Variants in SLC15A5 observed in about 807,000 individuals in gnomAD.
SLC15A5 encodes solute carrier family 15 member 5, also known as Peptide/histidine transporter ENSP00000340402.
Under a neutral mutation model 56.1 loss-of-function variants are expected in SLC15A5, and 58 were observed. The observed-to-expected ratio is 1.03, with a 90% confidence interval of 0.84 to 1.29. The LOEUF (loss-of-function observed/expected upper bound fraction) is 1.29, where lower values mean the gene tolerates loss of function less well. Among genes scored for constraint, SLC15A5 ranks in the 50% most tolerant of loss-of-function variants. SLC15A5 has a pLI of 0.00. For synonymous variants in SLC15A5, 264 were observed against 250.5 expected, an observed-to-expected ratio of 1.05 and a Z score of -0.51; for missense variants, 681 against 672.1, an observed-to-expected ratio of 1.01 and a Z score of -0.15.
At chr12:16,248,201 G>C (rs1565669824) in intron 3 of SLC15A5, among the ~76,000 whole-genome samples, 1 of 152,116 alleles carries the variant, frequency 6.6e-6, no homozygotes, top group Non-Finnish European at 1.5e-5. Context: ...GGAATTATTA[G>C]ATGATAACCA....
chr12:16,270,110 A>T lies in SLC15A5; in HGVS notation c.584+2451T>A, dbSNP rs190365594. ...TAGTGAGGTGCATTAGTTGAGGAAG[A>T]TCCAGTACCAGATGGTAATGTTGGC... On this transcript the variant is annotated intron_variant, in intron 2 of 8. Transcript: ENST00000344941. 6.6e-5 allele frequency among the ~76,000 whole-genome samples: 10 copies of T among 152,316 alleles called. No homozygotes were observed. In the East Asian group the frequency reaches 1.9e-3, roughly 29 times the overall value.
At chr12:16,190,525 TC>T (rs1863830136) in intron 8 of SLC15A5, among the ~76,000 whole-genome samples, 1 of 152,174 alleles carries the variant, frequency 6.6e-6, no homozygotes, top group Non-Finnish European at 1.5e-5. Context: ...AATAGGAACT[TC>T]AAATTGCTTT....
intron 8 of SLC15A5, among the ~76,000 whole-genome samples, chr12:16,193,787 GA>G (rs1863863057): frequency 7.2e-5 from 1 of 13,802 alleles, no homozygotes; most frequent in Middle Eastern, 0.024. Flanking sequence ...AGGGGAGAGA[GA>G]GAGAGAGAGA....
At chr12:16,258,308 GT>G (rs1864598095) in intron 2 of SLC15A5, among the ~76,000 whole-genome samples, 1 of 152,122 alleles carries the variant, frequency 6.6e-6, no homozygotes, top group African/African-American at 2.4e-5. Flanking sequence ...AGTTTTCAAA[GT>G]ATAGGAAAAC....
intron 7 of SLC15A5, among the ~76,000 whole-genome samples, chr12:16,210,738 G>GA (rs1214922219): frequency 1.3e-5 from 2 of 152,136 alleles, no homozygotes; most frequent in East Asian, 3.9e-4. Flanking sequence ...AGGTTCATCT[G>GA]ACTCAAATGT....
chr12:16,238,629 C>CAAAAAA (rs36053667), intron 5 of SLC15A5, among the ~76,000 whole-genome samples: 2 of 116,012 alleles, frequency 1.7e-5, no homozygotes, highest in South Asian at 3.2e-4. Context: ...GACTCCGTCT[C>CAAAAAA]AAAAAAAAAA....
intron 7 of SLC15A5, among the ~76,000 whole-genome samples, chr12:16,203,121 T>A (rs1228228763): frequency 6.6e-6 from 1 of 152,146 alleles, no homozygotes; most frequent in East Asian, 1.9e-4. Context: ...ACAGTGGATT[T>A]TAAATGTTCT....
Position 16,271,506 on chromosome 12 carries a change from A to T in SLC15A5, c.584+1055T>A, listed in dbSNP as rs1416797082. Among the ~76,000 whole-genome samples, 1 of 152,174 alleles carries T rather than the reference A, an allele frequency of 6.6e-6. No individual in the cohort carries two copies. Among genetic ancestry groups the T allele is most frequent in the African/African-American group, 2.4e-5 (1 of 41,444 alleles). On this transcript the variant is annotated intron_variant, in intron 2 of 8. Transcript: ENST00000344941. This position sits in a 1 kb window ranked among gnomAD's most constrained non-coding sequence, Gnocchi z 8.0. ...TGGTAAGACTGCATTGTTCTCTGAC[A>T]TTAGGACTTAATCCAAAATAGGGCT...
chr12:16,202,438 AAAGAT>A (rs1365016829), intron 7 of SLC15A5, among the ~76,000 whole-genome samples: 1 of 152,162 alleles, frequency 6.6e-6, no homozygotes, highest in East Asian at 1.9e-4. Flanking sequence ...GAAAAAGATG[AAAGAT>A]AAGTGTTGAT....
At position 16,205,590 on chromosome 12, in the gene SLC15A5, T is replaced by TAC. The variant is rs58581207; in HGVS notation, c.1484-11139_1484-11138dup. On this transcript the variant is annotated intron_variant, in intron 7 of 8. Transcript: ENST00000344941. The stretch of plus-strand genomic sequence containing the variant: ...AAGAAGGGAAAGGTGCATATATATA[T>TAC]ACATATACACACACACACACATATA... Among the ~76,000 whole-genome samples, 117 of 57,156 alleles carry TAC rather than the reference T, an allele frequency of 2.0e-3. 2 individuals are homozygous for TAC. The highest frequency in any genetic ancestry group is 7.0e-3 in the African/African-American group (106 of 15,122). 37.5% of individuals were successfully genotyped at this position (57,156 alleles called of 152,430 possible).
chr12:16,220,592 G>A (rs756565808), intron 6 of SLC15A5, among the ~76,000 whole-genome samples: 24 of 152,124 alleles, frequency 1.6e-4, no homozygotes, highest in East Asian at 1.9e-4. Flanking sequence ...ACACAGCCAC[G>A]CTCATTTATT....
At chr12:16,241,015 G>A (rs899569134) in intron 4 of SLC15A5, among the ~76,000 whole-genome samples, 2 of 151,966 alleles carry the variant, frequency 1.3e-5, no homozygotes, top group African/African-American at 2.4e-5. Flanking sequence ...AGGTTTCACC[G>A]TGTTAGTCAG....
Position 16,255,484 on chromosome 12 carries a change from A to AT in SLC15A5, c.754+2216dup, listed in dbSNP as rs144648422. 2.4e-3 allele frequency among the ~76,000 whole-genome samples: 363 copies of AT among 152,258 alleles called. 8 individuals are homozygous for AT. In the East Asian group the frequency reaches 0.029, roughly 12 times the overall value. On this transcript the variant is annotated intron_variant, in intron 3 of 8. Coordinates refer to ENST00000344941, the MANE Select transcript of SLC15A5 (RefSeq NM_001170798.1). ...TGTGGGGAAAAAGGCATTCTTGTAC[A>AT]TTTTTGGTAGAAATACAAAATAGTG...
intron 6 of SLC15A5, among the ~76,000 whole-genome samples, chr12:16,221,132 T>C (rs772859696): frequency 6.6e-6 from 1 of 152,184 alleles, no homozygotes; most frequent in Non-Finnish European, 1.5e-5. Flanking sequence ...TATTGTACCA[T>C]ATAGAAATAG....
intron 3 of SLC15A5, among the ~76,000 whole-genome samples, chr12:16,245,500 A>G (rs1057394723): frequency 7.9e-5 from 12 of 152,128 alleles, no homozygotes; most frequent in African/African-American, 2.9e-4. Context: ...GTGATTTGCA[A>G]CCTCATTGTT....
At chr12:16,217,907 A>G (rs1401440540) in intron 6 of SLC15A5, among the ~76,000 whole-genome samples, 1 of 152,126 alleles carries the variant, frequency 6.6e-6, no homozygotes, top group Admixed American at 6.6e-5. Flanking sequence ...CCACGAAAAA[A>G]ATTTTTTTAA....
intron 3 of SLC15A5, among the ~76,000 whole-genome samples, chr12:16,255,093 C>T (rs1864556812): frequency 6.6e-6 from 1 of 151,960 alleles, no homozygotes; most frequent in South Asian, 2.1e-4. Context: ...TCACTATGTA[C>T]CTCGTAAATA....
At position 16,244,600 on chromosome 12, in the gene SLC15A5, A is replaced by T. The variant is rs1425569349; in HGVS notation, c.955T>A (p.Tyr319Asn). ...CTTACCTGCATAATGCACATTCTGT[A>T]TAGGAGCTGAAAAATGAAGAGAGGG... ...LLPLFIFQLL[Y>N]RMCIMQIPSG... Residue 319 changes from tyrosine (Y) to asparagine (N), a missense_variant, in exon 4 of 9, where the codon TAC becomes AAC. Tyr to Asn is a moderately radical substitution (Grantham distance 143). Transcript: ENST00000344941. 2.6e-6 allele frequency: 4 copies of T among 1,537,672 alleles called. No individual in the cohort carries two copies. The highest frequency in any genetic ancestry group is 3.5e-6 in the Non-Finnish European group (4 of 1,147,046).
Position 16,239,718 on chromosome 12 carries a change from G to GGTT in SLC15A5, c.1124_1125insAAC (p.Pro375_Ser376insThr). 1 of 1,537,368 alleles carries GGTT rather than the reference G, an allele frequency of 6.5e-7. No homozygotes were observed. Among genetic ancestry groups the GGTT allele is most frequent in the Non-Finnish European group, 8.7e-7 (1 of 1,146,918 alleles). On this transcript the variant is annotated inframe_insertion, in exon 5 of 9. Coordinates refer to ENST00000344941, the MANE Select transcript of SLC15A5 (RefSeq NM_001170798.1). ...ACAGAAATGATCCAACTCTCTTAGA[G>GGTT]GGAAACAGGCAGGTGCTGAAATACT... is the stretch of plus-strand genomic sequence containing the variant.
Sources: gnomAD v4.1 joint callset for allele counts (sites outside exome capture counted in the v4.1 genomes callset) on GRCh38, gnomAD v4.1.1 for gene constraint, Gnocchi (gnomAD v3.1) non-coding constraint, MANE v1.5 for transcripts, NCBI Gene and HGNC (gene_info 2026-07-23, HGNC 2026-07-21) for gene names.